DTNA: variants seen among roughly 807,000 people sequenced by gnomAD.
DTNA encodes the protein dystrophin-related protein 3.
Under a neutral mutation model 100.7 loss-of-function variants are expected in DTNA, and 43 were observed. The ratio of observed to expected loss-of-function variants is 0.43; its 90% CI spans 0.33 to 0.55. DTNA has a LOEUF of 0.55. DTNA is among the 20% of genes least tolerant of loss of function. The pLI is 0.04. For synonymous variants in DTNA, 349 were observed against 347.9 expected (o/e 1.00, Z -0.04); for missense variants, 798 against 953.9 (o/e 0.84, Z 2.15).
At chr18:34,532,794 C>T (rs931417127) in intron 1 of DTNA, among the ~76,000 whole-genome samples, 4 of 149,384 alleles carry the variant, frequency 2.7e-5, no homozygotes, top group Admixed American at 6.7e-5. Context: ...ATGCATAGAA[C>T]GAATAGATTT....
chr18:34,583,650 T>TAG (rs2048848501), intron 1 of DTNA, among the ~76,000 whole-genome samples: 1 of 151,766 alleles, frequency 6.6e-6, no homozygotes, highest in Admixed American at 6.6e-5. Flanking sequence ...AACAGAGATG[T>TAG]AGAAACCCAG....
At chr18:34,660,389 A>G (rs905655340) in intron 1 of DTNA, among the ~76,000 whole-genome samples, 6 of 151,316 alleles carry the variant, frequency 4.0e-5, no homozygotes, top group Non-Finnish European at 5.9e-5. Flanking sequence ...TAGGTCACCA[A>G]ATTCCAGCCT....
intron 1 of DTNA, among the ~76,000 whole-genome samples, chr18:34,582,889 T>C (rs1051130482): frequency 2.0e-5 from 3 of 152,196 alleles, no homozygotes; most frequent in Admixed American, 6.5e-5. Context: ...GTGGTCCATA[T>C]ACGAATCATC....
intron 1 of DTNA, among the ~76,000 whole-genome samples, chr18:34,497,200 A>T (rs1166515786): frequency 5.9e-5 from 9 of 152,160 alleles, no homozygotes; most frequent in Non-Finnish European, 8.8e-5. Flanking sequence ...AAGTGCCAGG[A>T]TGTCTCAAAA....
chr18:34,851,979 A>C (rs1157607499), intron 15 of DTNA, 51 bp downstream of exon 15: 1 of 1,577,338 alleles, frequency 6.3e-7, no homozygotes, highest in East Asian at 2.3e-5. Context: ...CGCATTCCTT[A>C]ATAAACTATG....
intron 1 of DTNA, among the ~76,000 whole-genome samples, chr18:34,656,049 G>A (rs2074324712): frequency 6.6e-6 from 1 of 152,236 alleles, no homozygotes; most frequent in Non-Finnish European, 1.5e-5. Flanking sequence ...TCTTGCTGCA[G>A]ATGAATGAAT....
At chr18:34,858,995 A>T (rs2096585448) in intron 16 of DTNA, among the ~76,000 whole-genome samples, 1 of 152,264 alleles carries the variant, frequency 6.6e-6, no homozygotes, top group African/African-American at 2.4e-5. Context: ...AGTTAAATAA[A>T]CATCACAGGT....
intron 1 of DTNA, among the ~76,000 whole-genome samples, chr18:34,532,582 T>C (rs978255058): frequency 6.6e-6 from 1 of 152,026 alleles, no homozygotes; most frequent in Non-Finnish European, 1.5e-5. Flanking sequence ...TCTTTGTTCT[T>C]ATACTCTTGT....
intron 1 of DTNA, among the ~76,000 whole-genome samples, chr18:34,594,541 GT>G (rs1042910444): frequency 1.4e-4 from 21 of 152,186 alleles, no homozygotes; most frequent in Non-Finnish European, 2.4e-4. Context: ...TAACTGGCCA[GT>G]TTTTTGTCTT....
At chr18:34,816,092 A>C (rs2095590316) in intron 7 of DTNA, 78 bp downstream of exon 7, 12 of 1,438,234 alleles carry the variant, frequency 8.3e-6, no homozygotes, top group African/African-American at 1.4e-5. Context: ...TAGTAAGCCC[A>C]GGCTGTTGTT....
chr18:34,652,755 A>G (rs1420599356), intron 1 of DTNA, among the ~76,000 whole-genome samples: 1 of 152,022 alleles, frequency 6.6e-6, no homozygotes, highest in African/African-American at 2.4e-5. Flanking sequence ...GTCTGCTGCC[A>G]CTTTTTGTAC....
intron 1 of DTNA, among the ~76,000 whole-genome samples, chr18:34,569,796 G>C (rs910905381): frequency 6.6e-6 from 1 of 151,996 alleles, no homozygotes; most frequent in Non-Finnish European, 1.5e-5. Flanking sequence ...GCCTTTAGCT[G>C]ATGGGATGAG....
chr18:34,753,539 C>T (rs889284747), intron 1 of DTNA, among the ~76,000 whole-genome samples: 5 of 146,592 alleles, frequency 3.4e-5, no homozygotes, highest in East Asian at 1.9e-4. Flanking sequence ...CCCGCCACTA[C>T]GCCCGGCTAA....
intron 1 of DTNA, among the ~76,000 whole-genome samples, chr18:34,581,517 T>C (rs2048632324): frequency 6.6e-6 from 1 of 152,048 alleles, no homozygotes; most frequent in East Asian, 1.9e-4. Context: ...TAAGGACAGA[T>C]AAATTTGATA....
intron 1 of DTNA, among the ~76,000 whole-genome samples, chr18:34,698,964 C>A (rs757494787): frequency 1.3e-5 from 2 of 151,008 alleles, no homozygotes; most frequent in Non-Finnish European, 2.9e-5. Context: ...CAATACTAAT[C>A]ATCACAACAG....
chr18:34,673,173 G>A (rs889139486), intron 1 of DTNA, among the ~76,000 whole-genome samples: 23 of 152,094 alleles, frequency 1.5e-4, no homozygotes, highest in African/African-American at 4.1e-4. Flanking sequence ...TGTAACCTCC[G>A]CCTGCTGGGC....
Position 34,879,531 on chromosome 18 carries a change from T to G in DTNA, c.1994-20T>G, listed in dbSNP as rs771763313. On this transcript the variant is annotated intron_variant, in intron 19 of 22. Transcript: ENST00000444659. ...AAAATCTAACGAGTCATTCTTTATT[T>G]CTTCAATTGTATCTGCTAGAGGTTG... is the stretch of plus-strand genomic sequence containing the variant. 14 of 1,613,784 alleles carry G rather than the reference T, an allele frequency of 8.7e-6. No individual in the cohort carries two copies. The highest frequency in any genetic ancestry group is 1.2e-5 in the Non-Finnish European group (14 of 1,179,880).
chr18:34,618,644 G>T (rs191482494), intron 1 of DTNA, among the ~76,000 whole-genome samples: 2 of 152,246 alleles, frequency 1.3e-5, no homozygotes, highest in Admixed American at 6.5e-5. Flanking sequence ...AGGGCTTTGT[G>T]TTGCAGATGA....
intron 1 of DTNA, among the ~76,000 whole-genome samples, chr18:34,727,947 G>A (rs2087103893): frequency 6.6e-6 from 1 of 152,060 alleles, no homozygotes; most frequent in Non-Finnish European, 1.5e-5. Context: ...CTAATATTAA[G>A]AGGGAGGGGG....
Sources: gnomAD v4.1 joint callset for allele counts (sites outside exome capture counted in the v4.1 genomes callset) on GRCh38, gnomAD v4.1.1 for gene constraint, MANE v1.5 for transcripts, NCBI Gene and HGNC (gene_info 2026-07-23, HGNC 2026-07-21) for gene names.